Variants in DIP2B observed in about 807,000 individuals in gnomAD.
DIP2B encodes the protein DIP2 acetate--CoA ligase B (putative), also known as disco-interacting protein 2 homolog B.
In DIP2B, 76 loss-of-function variants were observed where a neutral mutation model predicts 198.0. The observed-to-expected ratio is 0.38, with a 90% CI of 0.32 to 0.46. DIP2B has a LOEUF of 0.46. Ranked by LOEUF, DIP2B falls within the 20% of genes least tolerant of loss-of-function variation. The pLI, the probability that DIP2B is intolerant of heterozygous loss-of-function variation, is 0.99. For missense variants in DIP2B, 1,559 were observed against 1,978.4 expected (o/e 0.79, Z 4.02); for synonymous variants, 701 against 739.1 (o/e 0.95, Z 0.84).
intron 3 of DIP2B, 59 bp from the exon 4 acceptor site, chr12:50,660,133 TCA>T: frequency 7.0e-7 from 1 of 1,436,010 alleles, no homozygotes; most frequent in Non-Finnish European, 9.2e-7. Flanking sequence ...ATAGTTCAGC[TCA>T]CAGTGGTAAA....
At chr12:50,637,798 A>G (rs1938185718) in intron 2 of DIP2B, among the ~76,000 whole-genome samples, 1 of 152,214 alleles carries the variant, frequency 6.6e-6, no homozygotes, top group Non-Finnish European at 1.5e-5. Context: ...AAGCAGAATT[A>G]AAAGATAACA....
chr12:50,619,251 A>T (rs868366034), intron 1 of DIP2B, among the ~76,000 whole-genome samples: 1 of 152,184 alleles, frequency 6.6e-6, no homozygotes, highest in Non-Finnish European at 1.5e-5. Context: ...TTAGCCCCTA[A>T]TTGCTCAAGG....
chr12:50,641,797 G>A (rs561016208), intron 3 of DIP2B, among the ~76,000 whole-genome samples: 1 of 152,128 alleles, frequency 6.6e-6, no homozygotes, highest in Non-Finnish European at 1.5e-5. Context: ...GGTGCAGCAG[G>A]CCCTTCCCAT....
In DIP2B at chr12:50,702,915, C is replaced by T. The variant is rs1201125859; in HGVS notation, c.2326-1225C>T. The stretch of plus-strand genomic sequence containing the variant: ...AAAGCAATAATGGGATTAATGTCTA[C>T]TGTCTTGAATTTAAAAAAATTTTTT... On this transcript the variant is annotated intron_variant, in intron 19 of 37. Transcript: ENST00000301180. 2.6e-5 allele frequency among the ~76,000 whole-genome samples: 4 copies of T among 152,120 alleles called. No individual in the cohort carries two copies. The East Asian group carries it at 7.7e-4, about 29-fold the overall frequency.
chr12:50,594,190 C>A (rs531289061), intron 1 of DIP2B, among the ~76,000 whole-genome samples: 2 of 151,444 alleles, frequency 1.3e-5, no homozygotes, highest in Non-Finnish European at 2.9e-5. Context: ...GTAATCCACC[C>A]GCCTCAGCCT....
At chr12:50,557,192 A>G (rs900411692) in intron 1 of DIP2B, among the ~76,000 whole-genome samples, 1 of 152,230 alleles carries the variant, frequency 6.6e-6, no homozygotes, top group Non-Finnish European at 1.5e-5. Context: ...TATCTATAAA[A>G]TGGAGATAAT....
At chr12:50,629,799 C>T (rs1938007981) in intron 2 of DIP2B, among the ~76,000 whole-genome samples, 1 of 152,110 alleles carries the variant, frequency 6.6e-6, no homozygotes, top group South Asian at 2.1e-4. Flanking sequence ...TTCTAGTTTT[C>T]TCTTTTGAGT....
At chr12:50,548,843 G>A (rs1442318110) in intron 1 of DIP2B, among the ~76,000 whole-genome samples, 2 of 152,148 alleles carry the variant, frequency 1.3e-5, no homozygotes, top group Non-Finnish European at 2.9e-5. Context: ...CACTTTTAAA[G>A]TGTAAGATAC....
At chr12:50,707,194 ATTTGAGTAG>A (rs1188349923) in intron 21 of DIP2B, among the ~76,000 whole-genome samples, 1 of 152,200 alleles carries the variant, frequency 6.6e-6, no homozygotes, top group Non-Finnish European at 1.5e-5. Context: ...TTTGCTACAT[ATTTGAGTAG>A]TTGATGTCCT....
intron 1 of DIP2B, among the ~76,000 whole-genome samples, chr12:50,533,149 G>T (rs962054890): frequency 6.6e-6 from 1 of 152,172 alleles, no homozygotes; most frequent in Non-Finnish European, 1.5e-5. Context: ...TTAATTTAAA[G>T]AATATTAAAG....
At chr12:50,688,688 C>A (rs1259699567) in intron 12 of DIP2B, among the ~76,000 whole-genome samples, 2 of 152,120 alleles carry the variant, frequency 1.3e-5, no homozygotes, top group East Asian at 3.9e-4. Flanking sequence ...ATTAAAAATA[C>A]CAAATTTAGT....
chr12:50,526,626 CTTTTTTT>C (rs11423846), intron 1 of DIP2B, among the ~76,000 whole-genome samples: 110 of 64,184 alleles, frequency 1.7e-3, no homozygotes, highest in Admixed American at 3.0e-3. Flanking sequence ...TTTCCTCTGC[CTTTTTTT>C]TTTTTTTTTT....
At chr12:50,554,116 A>G (rs1054761775) in intron 1 of DIP2B, among the ~76,000 whole-genome samples, 1 of 152,058 alleles carries the variant, frequency 6.6e-6, no homozygotes, top group African/African-American at 2.4e-5. Context: ...CTCTTCCCCA[A>G]AGATAACCTC....
intron 1 of DIP2B, among the ~76,000 whole-genome samples, chr12:50,524,618 A>G (rs1284853909): frequency 1.3e-5 from 2 of 152,020 alleles, no homozygotes; most frequent in East Asian, 3.9e-4. Context: ...AGTGCCTACT[A>G]TGTGCCACAT....
intron 3 of DIP2B, among the ~76,000 whole-genome samples, chr12:50,658,974 C>G (rs1305857408): frequency 2.6e-5 from 4 of 152,134 alleles, no homozygotes; most frequent in Non-Finnish European, 5.9e-5. Flanking sequence ...GTAGTCCCAG[C>G]TACTTGGGAG....
intron 3 of DIP2B, among the ~76,000 whole-genome samples, chr12:50,650,261 G>A (rs1345118139): frequency 6.6e-6 from 1 of 151,420 alleles, no homozygotes; most frequent in Non-Finnish European, 1.5e-5. Flanking sequence ...CTATAATCCA[G>A]CCTATAGGAA....
chr12:50,664,340 C>G (rs1219158324), intron 4 of DIP2B, among the ~76,000 whole-genome samples: 1 of 152,130 alleles, frequency 6.6e-6, no homozygotes, highest in Non-Finnish European at 1.5e-5. Flanking sequence ...CTAAAATTTG[C>G]TTATTGAATT....
chr12:50,628,399 A>G (rs1382706160), intron 2 of DIP2B, among the ~76,000 whole-genome samples: 2 of 152,150 alleles, frequency 1.3e-5, no homozygotes, highest in African/African-American at 4.8e-5. Context: ...AAATAAAAAT[A>G]TAAAAAGCAA....
chr12:50,650,639 C>G (rs1004147964), intron 3 of DIP2B, among the ~76,000 whole-genome samples: 1 of 152,160 alleles, frequency 6.6e-6, no homozygotes, highest in Non-Finnish European at 1.5e-5. Flanking sequence ...AGATGGGATT[C>G]CCTTATTTTT....
Sources: gnomAD v4.1 joint callset for allele counts (sites outside exome capture counted in the v4.1 genomes callset) on GRCh38, gnomAD v4.1.1 for gene constraint, MANE v1.5 for transcripts, NCBI Gene and HGNC (gene_info 2026-07-23, HGNC 2026-07-21) for gene names.